Variants in BPIFB6 observed in about 807,000 individuals in gnomAD.
BPIFB6 encodes the protein BPI fold-containing family B member 6.
A neutral mutation model predicts 54.7 loss-of-function variants in BPIFB6; 47 were observed. The ratio of observed to expected loss-of-function variants is 0.86; its 90% CI spans 0.68 to 1.10. The LOEUF (loss-of-function observed/expected upper bound fraction) is 1.10, where lower values mean the gene tolerates loss of function less well. BPIFB6 is among the 50% of genes least tolerant of loss of function. BPIFB6 has a pLI of 0.00. For synonymous variants in BPIFB6, 255 were observed against 225.9 expected (o/e 1.13, Z -1.16); for missense variants, 603 against 564.1 (o/e 1.07, Z -0.70).
chr20:33,035,393 GAA>G (rs1367150837), intron 5 of BPIFB6, among the ~76,000 whole-genome samples: 3 of 152,184 alleles, frequency 2.0e-5, no homozygotes, highest in African/African-American at 4.8e-5. Context: ...CAGTCCCAGG[GAA>G]AGAGTCCCGG....
In BPIFB6 at chr20:33,042,734, C is replaced by CT. The variant is rs1979640218; in HGVS notation, c.1189-80dup. The CT allele has an allele frequency of 2.2e-6, 3 of 1,359,142 alleles. No individual in the cohort carries two copies. The Admixed American group carries it at 5.4e-5, about 25-fold the overall frequency. The allele number at this position is 1,359,142 out of a possible 1,614,324, so 84.2% of individuals were successfully genotyped here. A position where few individuals can be genotyped will look rare whatever the true frequency, so the allele number is the denominator to read the frequency against. On this transcript the variant is annotated intron_variant, in intron 12 of 14. Coordinates refer to ENST00000349552, the MANE Select transcript of BPIFB6 (RefSeq NM_174897.2). ...ATATTCACTTCTGTGGTCCCCAGGC[C>CT]TAGCCAGAGAGGGCTGAAAAGATCT... is the stretch of plus-strand genomic sequence containing the variant.
intron 11 of BPIFB6, 92 bp from the exon 12 acceptor site, chr20:33,041,878 G>A (rs1359795678): frequency 6.8e-6 from 8 of 1,178,438 alleles, no homozygotes; most frequent in Non-Finnish European, 1.3e-6. Flanking sequence ...GAGGCGTTGG[G>A]GTGCTTGGGA....
At chr20:33,031,831 T>A in intron 1 of BPIFB6, 87 bp downstream of exon 1, 5 of 1,056,296 alleles carry the variant, frequency 4.7e-6, no homozygotes, top group Non-Finnish European at 5.8e-6. Flanking sequence ...TTGCACATCC[T>A]GGAGCATCCC....
At chr20:33,044,101 C>T, downstream of BPIFB6, 2 of 1,608,046 alleles carry the variant, frequency 1.2e-6, no homozygotes, top group African/African-American at 1.3e-5. Context: ...ACCTGCACCC[C>T]ATGGAGGAGA....
At chr20:33,037,535 G>A (rs1979393965) in intron 7 of BPIFB6, 27 bp from the exon 8 acceptor site, 2 of 1,585,840 alleles carry the variant, frequency 1.3e-6, no homozygotes, top group Non-Finnish European at 1.7e-6. Context: ...GGCCAAGGCT[G>A]AGTGTCTCCC....
chr20:33,035,824 C>T (rs922733779), intron 6 of BPIFB6, 152 bp downstream of exon 6: 9 of 803,632 alleles, frequency 1.1e-5, no homozygotes, highest in Middle Eastern at 2.3e-4. Flanking sequence ...CCCACTGTCC[C>T]GATGGGAGGC....
intron 8 of BPIFB6, among the ~76,000 whole-genome samples, chr20:33,038,398 T>C (rs1248936561): frequency 1.3e-5 from 2 of 152,114 alleles, no homozygotes; most frequent in Non-Finnish European, 2.9e-5. Context: ...TTCCCATCCA[T>C]TTATCATTCT....
chr20:33,037,367 C>T (rs184748046), intron 7 of BPIFB6, among the ~76,000 whole-genome samples, 195 bp from the exon 8 acceptor site: 1 of 152,160 alleles, frequency 6.6e-6, no homozygotes, highest in Non-Finnish European at 1.5e-5. Flanking sequence ...CTCCCTTATC[C>T]TCCCAGGCCT....
rs150410698 is a variant in BPIFB6 at position 33,041,235 on chromosome 20, C to T, written c.1143-735C>T. On this transcript the variant is annotated intron_variant, in intron 11 of 14. Coordinates refer to ENST00000349552, the MANE Select transcript of BPIFB6 (RefSeq NM_174897.2). Reference sequence around the variant, plus strand: ...GGATTTTCTGACCTCATGATCCACCCGCCTCGGCCTCCCAAAGTGCTGGGA... The same window carrying T: ...GGATTTTCTGACCTCATGATCCACCTGCCTCGGCCTCCCAAAGTGCTGGGA... Among the ~76,000 whole-genome samples the T allele has an allele frequency of 4.7e-3, 715 of 152,170 alleles. 4 individuals carry two copies. The highest frequency in any genetic ancestry group is 0.016 in the African/African-American group (656 of 41,524).
intron 8 of BPIFB6, 46 bp from the exon 9 acceptor site, chr20:33,038,863 G>T (rs758552691): frequency 6.3e-7 from 1 of 1,585,184 alleles, no homozygotes; most frequent in Non-Finnish European, 8.7e-7. Context: ...GTTAGGATGG[G>T]CCAGGGAGGA....
At chr20:33,035,201 C>A in intron 5 of BPIFB6, 57 bp downstream of exon 5, 1 of 1,545,426 alleles carries the variant, frequency 6.5e-7, no homozygotes, top group Non-Finnish European at 8.9e-7. Flanking sequence ...TAGGCCAGGG[C>A]TGGCAAATGC....
chr20:33,040,289 C>A lies in BPIFB6; in HGVS notation c.1113C>A (p.Asn371Lys), dbSNP rs763912790. 3 of 1,614,176 alleles carry A rather than the reference C, an allele frequency of 1.9e-6. No individual in the cohort carries two copies. The highest frequency in any genetic ancestry group is 2.5e-6 in the Non-Finnish European group (3 of 1,180,022). Residue 371 changes from asparagine to lysine, a missense_variant, in exon 11 of 15, where the codon AAC becomes AAA. Coordinates refer to ENST00000349552, the MANE Select transcript of BPIFB6 (RefSeq NM_174897.2). Reference sequence around the variant, plus strand: ...AGGTCCAGTACTCAGTGCATGAGAACCAGCTGCAGATGGCCACTTCTTTGG... The same window carrying A: ...AGGTCCAGTACTCAGTGCATGAGAAACAGCTGCAGATGGCCACTTCTTTGG... ...NLKVQYSVHENQLQMATSLDR... is the reference protein window; with the variant it reads ...NLKVQYSVHEKQLQMATSLDR...
At position 33,034,645 on chromosome 20, in the gene BPIFB6, A is replaced by G. The variant is rs908894955; in HGVS notation, c.303-118A>G. 2.7e-5 allele frequency: 31 copies of G among 1,154,714 alleles called. No homozygotes were observed. In the East Asian group the frequency reaches 7.3e-4, roughly 27 times the overall value. The allele number at this position is 1,154,714 out of a possible 1,614,324, so 71.5% of individuals were successfully genotyped here. A position where few individuals can be genotyped will look rare whatever the true frequency, so the allele number is the denominator to read the frequency against. ...GGTCCCATCCCCTTTTCTGTCTTGT[A>G]GGGGTGGTCTCCTACCCTTTCTCCC... On this transcript the variant is annotated intron_variant, in intron 3 of 14. Coordinates refer to ENST00000349552, the MANE Select transcript of BPIFB6 (RefSeq NM_174897.2).
intron 11 of BPIFB6, among the ~76,000 whole-genome samples, chr20:33,041,146 C>T (rs192823527): frequency 1.3e-5 from 2 of 152,190 alleles, no homozygotes. Context: ...CCCGCCACCA[C>T]GCCTGGCTAA....
At chr20:33,035,747 C>T in intron 6 of BPIFB6, 75 bp downstream of exon 6, 1 of 1,446,318 alleles carries the variant, frequency 6.9e-7, no homozygotes, top group South Asian at 1.1e-5. Context: ...TCCCATTCCC[C>T]ATCCTAGTGC....
chr20:33,038,347 C>T (rs1979434009), intron 8 of BPIFB6, among the ~76,000 whole-genome samples: 1 of 152,146 alleles, frequency 6.6e-6, no homozygotes, highest in African/African-American at 2.4e-5. Flanking sequence ...ATCCATGTAC[C>T]TTTCCATCCA....
chr20:33,040,985 C>CTTTTT (rs59134684), intron 11 of BPIFB6, among the ~76,000 whole-genome samples: 2 of 116,848 alleles, frequency 1.7e-5, no homozygotes, highest in Non-Finnish European at 3.5e-5. Flanking sequence ...AGGAGTAGTT[C>CTTTTT]TTTTTTTTTT....
At chr20:33,039,278 G>A in intron 9 of BPIFB6, 69 bp from the exon 10 acceptor site, 2 of 1,459,198 alleles carry the variant, frequency 1.4e-6, no homozygotes, top group Non-Finnish European at 1.9e-6. Context: ...TGTCTTGAGG[G>A]ACCCCTTATT....
At chr20:33,042,695 C>T in intron 12 of BPIFB6, 120 bp from the exon 13 acceptor site, 1 of 923,526 alleles carries the variant, frequency 1.1e-6, no homozygotes, top group Non-Finnish European at 1.7e-6. Flanking sequence ...GCTGGACAAA[C>T]CATTTGATGT....
Sources: gnomAD v4.1 joint callset for allele counts (sites outside exome capture counted in the v4.1 genomes callset) on GRCh38, gnomAD v4.1.1 for gene constraint, MANE v1.5 for transcripts, NCBI Gene and HGNC (gene_info 2026-07-23, HGNC 2026-07-21) for gene names.